Variants in TENM1 observed in about 807,000 individuals in gnomAD.
TENM1 encodes the protein teneurin-1.
TENM1 carries 35 observed loss-of-function variants against 174.8 expected under a neutral mutation model. The ratio of observed to expected loss-of-function variants is 0.20; its 90% CI spans 0.15 to 0.27. The LOEUF is 0.27. TENM1 is among the 10% of genes least tolerant of loss of function. The pLI is 1.00. For synonymous variants in TENM1, 781 were observed against 798.7 expected (o/e 0.98, Z 0.37); for missense variants, 1,633 against 2,130.1 (o/e 0.77, Z 4.59).
intron 14 of TENM1, among the ~76,000 whole-genome samples, chrX:124,550,195 T>C (rs2048528886): frequency 9.0e-6 from 1 of 111,705 alleles, no homozygotes; most frequent in Non-Finnish European, 1.9e-5. Flanking sequence ...TGCTGCGTGA[T>C]CAAGTCATCA....
intron 19 of TENM1, among the ~76,000 whole-genome samples, chrX:124,499,334 T>A (rs1401810395): frequency 9.0e-6 from 1 of 111,589 alleles, no homozygotes; most frequent in Admixed American, 9.5e-5. Flanking sequence ...CATGCTATAA[T>A]ACCATGGTGG....
intron 21 of TENM1, among the ~76,000 whole-genome samples, chrX:124,482,831 A>C (rs776809382): frequency 8.9e-6 from 1 of 112,049 alleles, no homozygotes; most frequent in East Asian, 2.8e-4. Flanking sequence ...CAATAACCTT[A>C]GTTTTGGAGA....
intron 13 of TENM1, among the ~76,000 whole-genome samples, chrX:124,562,432 A>G (rs748315423): frequency 1.2e-4 from 14 of 112,569 alleles, no homozygotes; most frequent in Admixed American, 1.1e-3. Context: ...CTTCCATGGT[A>G]TCTCTCTCAA....
chrX:124,914,320 T>C (rs781603592), intron 1 of TENM1, among the ~76,000 whole-genome samples: 1 of 111,175 alleles, frequency 9.0e-6, no homozygotes, highest in Non-Finnish European at 1.9e-5. Flanking sequence ...TAATGATTGG[T>C]TCAGGCAATA....
At chrX:124,991,519 A>G in the TENM1 span, among the ~76,000 whole-genome samples, 3 of 109,902 alleles carry the variant, frequency 2.7e-5, no homozygotes, top group South Asian at 1.2e-3. Flanking sequence ...AGAGAGACAG[A>G]GAGAGACAGA....
chrX:124,961,451 G>T (rs2058651989), intron 1 of TENM1, among the ~76,000 whole-genome samples: 2 of 110,674 alleles, frequency 1.8e-5, no homozygotes, highest in Non-Finnish European at 3.8e-5. Flanking sequence ...AGACCAGCCT[G>T]GCCAATATGG....
At chrX:124,712,259 G>A (rs1206978406) in intron 4 of TENM1, among the ~76,000 whole-genome samples, 2 of 111,021 alleles carry the variant, frequency 1.8e-5, no homozygotes, top group Non-Finnish European at 3.8e-5. Flanking sequence ...CTTTTCGGAG[G>A]AACTTCCATA....
chrX:125,147,705 T>C, the TENM1 span, among the ~76,000 whole-genome samples: 1 of 111,389 alleles, frequency 9.0e-6, no homozygotes, highest in Non-Finnish European at 1.9e-5. Context: ...GTACCACACC[T>C]GACCTGCCAA....
chrX:125,042,825 T>G, the TENM1 span, among the ~76,000 whole-genome samples: 1 of 111,461 alleles, frequency 9.0e-6, no homozygotes, highest in South Asian at 3.7e-4. Context: ...CTGACAAAGT[T>G]CAAGGGTTTG....
chrX:125,192,088 C>T, the TENM1 span, among the ~76,000 whole-genome samples: 1 of 111,273 alleles, frequency 9.0e-6, no homozygotes, highest in African/African-American at 3.3e-5. Context: ...TCTTGGACTT[C>T]CCAGCCTCCA....
rs756914467 is a variant in TENM1, at chrX:124,670,715, G to C, written c.1168+968C>G. 4.5e-4 allele frequency among the ~76,000 whole-genome samples: 50 copies of C among 110,926 alleles called. 1 individual carries two copies. Among genetic ancestry groups the C allele is most frequent in the Non-Finnish European group, 7.6e-4 (40 of 52,942 alleles). On this transcript the variant is annotated intron_variant, in intron 6 of 31. Coordinates refer to ENST00000422452, the Ensembl canonical transcript of TENM1. ...CCACAAACAACCCCCCCGCCACCAC[G>C]AAAGGAATTAAAAACACAAGGGAAG...
At chrX:124,893,351 T>C (rs2057506855) in intron 3 of TENM1, among the ~76,000 whole-genome samples, 1 of 112,559 alleles carries the variant, frequency 8.9e-6, no homozygotes, top group African/African-American at 3.2e-5. Context: ...TGTTTCTGAA[T>C]TGCTGTTTTA....
At chrX:124,609,270 A>AAATC (rs1303530180) in intron 11 of TENM1, among the ~76,000 whole-genome samples, 1 of 111,731 alleles carries the variant, frequency 9.0e-6, no homozygotes, top group Non-Finnish European at 1.9e-5. Flanking sequence ...GTTTAATCTG[A>AAATC]TAGGGTAGAA....
chrX:124,917,295 T>G (rs1379984953), intron 1 of TENM1, among the ~76,000 whole-genome samples: 1 of 111,960 alleles, frequency 8.9e-6, no homozygotes, highest in Non-Finnish European at 1.9e-5. Context: ...ATGTTCCACC[T>G]TGTTGTTTGG....
the TENM1 span, among the ~76,000 whole-genome samples, chrX:125,133,964 G>T: frequency 0.019 from 2,153 of 110,864 alleles, 45 homozygotes; most frequent in African/African-American, 0.067. Context: ...GATATCAGTT[G>T]GTTTCCTCAG....
At chrX:124,382,527 A>T in intron 31 of TENM1, 143 bp downstream of exon 34, 121 of 372,419 alleles carry the variant, frequency 3.2e-4, no homozygotes, top group Non-Finnish European at 4.8e-4. Context: ...CTTTTTTTAT[A>T]CCTTCTCATT....
chrX:124,380,896 G>A, exon 32 of TENM1: 1 of 1,211,481 alleles, frequency 8.3e-7, no homozygotes, highest in African/African-American at 1.7e-5. Flanking sequence ...AAGTCATCTG[G>A]GACACAGTGA....
At chrX:124,699,476 A>G (rs148788982) in intron 5 of TENM1, among the ~76,000 whole-genome samples, 2,111 of 110,956 alleles carry the variant, frequency 0.019, 51 homozygotes, top group African/African-American at 0.066. Flanking sequence ...ACATATATTT[A>G]GTATCTACTA....
chrX:124,603,039 G>T lies in TENM1; in HGVS notation c.2078-37479C>A, dbSNP rs1258948024. Among the ~76,000 whole-genome samples, 9 of 110,838 alleles carry T rather than the reference G, an allele frequency of 8.1e-5. No homozygotes were observed. The Admixed American group carries it at 8.6e-4, about 11-fold the overall frequency. On this transcript the variant is annotated intron_variant, in intron 11 of 31. Coordinates refer to ENST00000422452, the Ensembl canonical transcript of TENM1. Reference sequence around the variant, plus strand: ...AGGAGAAGGCCATATGAAGACAGAGGCAGAGACTGGAGTTATGTAGTCACA... The same window carrying T: ...AGGAGAAGGCCATATGAAGACAGAGTCAGAGACTGGAGTTATGTAGTCACA...
Sources: gnomAD v4.1 joint callset for allele counts (sites outside exome capture counted in the v4.1 genomes callset) on GRCh38, gnomAD v4.1.1 for gene constraint, MANE v1.5 for transcripts, NCBI Gene and HGNC (gene_info 2026-07-23, HGNC 2026-07-21) for gene names.